The following DMXL1 variants were observed in gnomAD, a reference collection of about 807,000 sequenced individuals.
The protein encoded by DMXL1 is dmX-like protein 1.
Under a neutral mutation model 319.2 loss-of-function variants are expected in DMXL1, and 99 were observed. The ratio of observed to expected loss-of-function variants is 0.31; its 90% CI spans 0.26 to 0.37. The LOEUF is 0.37. DMXL1 is among the 10% of genes least tolerant of loss of function. The pLI is 1.00. For synonymous variants in DMXL1, 1,385 were observed against 1,235.2 expected (o/e 1.12, Z -2.54); for missense variants, 3,745 against 3,595.6 (o/e 1.04, Z -1.06).
At chr5:119,091,258 G>A (rs956776283) in intron 1 of DMXL1, among the ~76,000 whole-genome samples, 3 of 152,040 alleles carry the variant, frequency 2.0e-5, no homozygotes, top group Admixed American at 2.0e-4. Context: ...CCAGGCTGGA[G>A]TGCAGTGGTG....
At chr5:119,184,948 C>G (rs1282561665) in intron 28 of DMXL1, among the ~76,000 whole-genome samples, 1 of 152,152 alleles carries the variant, frequency 6.6e-6, no homozygotes, top group African/African-American at 2.4e-5. Context: ...AAGTACTACT[C>G]TAGGGCAGTG....
intron 28 of DMXL1, among the ~76,000 whole-genome samples, chr5:119,188,742 T>C: frequency 6.6e-6 from 1 of 152,252 alleles, no homozygotes; most frequent in Non-Finnish European, 1.5e-5. Flanking sequence ...TTATTCATCT[T>C]TCCCTTTTTC....
intron 32 of DMXL1, among the ~76,000 whole-genome samples, chr5:119,202,200 C>T (rs1236195554): frequency 6.6e-6 from 1 of 152,062 alleles, no homozygotes; most frequent in Non-Finnish European, 1.5e-5. Flanking sequence ...TTGATGTGGA[C>T]ATTTAGTGCT....
chr5:119,150,987 A>G (rs576108147), intron 18 of DMXL1, among the ~76,000 whole-genome samples: 1 of 152,240 alleles, frequency 6.6e-6, no homozygotes, highest in African/African-American at 2.4e-5. Context: ...TCTGCTCAAT[A>G]GTATAAAAGA....
intron 29 of DMXL1, among the ~76,000 whole-genome samples, chr5:119,193,469 A>G (rs970580691): frequency 3.3e-5 from 5 of 151,702 alleles, no homozygotes; most frequent in Non-Finnish European, 7.4e-5. Flanking sequence ...CTTATTCTCC[A>G]TTTCTTTTCT....
At chr5:119,168,320 C>CAA (rs1773854195) in intron 23 of DMXL1, among the ~76,000 whole-genome samples, 2 of 152,148 alleles carry the variant, frequency 1.3e-5, no homozygotes, top group African/African-American at 4.8e-5. Context: ...CTTATGTACT[C>CAA]TTTTGAGTCT....
In DMXL1 at chr5:119,120,953, T is replaced by C. The variant is rs770493806; in HGVS notation, c.934-18T>C. On this transcript the variant is annotated intron_variant, in intron 8 of 43. Transcript: ENST00000539542. ...ACTTTTGACAATATAGGTATTAGTT[T>C]TGTTTCTATTCACACAGGTAAATCT... 35 of 1,595,572 alleles carry C rather than the reference T, an allele frequency of 2.2e-5. No homozygotes were observed. In the Admixed American group the frequency reaches 2.9e-4, roughly 13 times the overall value.
At chr5:119,145,927 T>C (rs1768418842) in intron 15 of DMXL1, among the ~76,000 whole-genome samples, 1 of 151,806 alleles carries the variant, frequency 6.6e-6, no homozygotes, top group Non-Finnish European at 1.5e-5. Context: ...TTATCAAAAC[T>C]AGGATTGATT....
At chr5:119,142,026 TAATA>T (rs1767485808) in intron 13 of DMXL1, among the ~76,000 whole-genome samples, 1 of 151,824 alleles carries the variant, frequency 6.6e-6, no homozygotes. Flanking sequence ...AGGATTCCAT[TAATA>T]AATGATGCTG....
At chr5:119,225,799 A>T (rs890158966) in intron 38 of DMXL1, among the ~76,000 whole-genome samples, 1 of 152,136 alleles carries the variant, frequency 6.6e-6, no homozygotes, top group South Asian at 2.1e-4. Context: ...CACTACATCA[A>T]ATTTATTCAT....
Position 119,193,887 on chromosome 5 carries a change from T to G in DMXL1, c.7374T>G (p.Ser2458Arg). 6.2e-7 allele frequency: 1 copy of G among 1,612,458 alleles called. No individual in the cohort carries two copies. The highest frequency in any genetic ancestry group is 1.1e-5 in the South Asian group (1 of 90,982). ...AEYDSEESLG[S>R]DDDDNDDDDD... ...ATGATTCAGAGGAGAGTCTGGGAAG[T>G]GATGATGATGACAATGATGATGATG... Residue 2458 changes from serine (S) to arginine (R), a missense_variant, in exon 30 of 44, where the codon AGT (serine) becomes AGG (arginine). By Grantham distance (110) the Ser-to-Arg change is moderately radical. Coordinates refer to ENST00000539542, the MANE Select transcript of DMXL1 (RefSeq NM_001290321.3).
At chr5:119,159,995 G>T (rs757938687) in intron 19 of DMXL1, among the ~76,000 whole-genome samples, 13 of 151,936 alleles carry the variant, frequency 8.6e-5, no homozygotes, top group Non-Finnish European at 1.6e-4. Context: ...AAGTGTTCAG[G>T]TTTTTTTCCC....
At chr5:119,201,463 G>A (rs868398799) in intron 32 of DMXL1, among the ~76,000 whole-genome samples, 1 of 152,144 alleles carries the variant, frequency 6.6e-6, no homozygotes, top group Non-Finnish European at 1.5e-5. Flanking sequence ...GCTGGGTTTG[G>A]TTTGCAAGTA....
At chr5:119,194,720 C>T (rs1457020835) in intron 30 of DMXL1, among the ~76,000 whole-genome samples, 1 of 151,994 alleles carries the variant, frequency 6.6e-6, no homozygotes, top group East Asian at 1.9e-4. Flanking sequence ...ATTTAAAAGT[C>T]AAACTGCACA....
chr5:119,203,930 C>G (rs1387884777), intron 33 of DMXL1, among the ~76,000 whole-genome samples: 1 of 152,174 alleles, frequency 6.6e-6, no homozygotes, highest in African/African-American at 2.4e-5. Context: ...TCACACCATT[C>G]TCCTGCCTCA....
At position 119,164,615 on chromosome 5, in the gene DMXL1, G is replaced by A; in HGVS notation, c.4811G>A (p.Arg1604Lys). 6.2e-7 allele frequency: 1 copy of A among 1,614,052 alleles called. No individual in the cohort carries two copies. The highest frequency in any genetic ancestry group is 1.1e-5 in the South Asian group (1 of 91,058). ...QKDDPTWSEL[R>K]AMGVGWWVRN... The stretch of plus-strand genomic sequence containing the variant: ...GATGATCCCACTTGGTCTGAACTAA[G>A]AGCTATGGGTGTGGGGTGGTGGGTC... The change falls in exon 20 of 44, where the codon AGA becomes AAA. Residue 1604 changes from arginine (R) to lysine (K), a missense_variant. Physicochemically the swap from Arg to Lys is conservative, Grantham distance 26 (BLOSUM62 2). This residue lies in a region of DMXL1 where 2,096 missense variants were observed against 1,985.4 expected (regional missense o/e 1.06). Coordinates refer to ENST00000539542, the MANE Select transcript of DMXL1 (RefSeq NM_001290321.3).
Position 119,242,372 on chromosome 5 carries a change from A to G in DMXL1, c.8704+1901A>G, listed in dbSNP as rs565952316. ...AATTTAAAGAATATTACCATTTACA[A>G]TAGCACCCAAAACAATGAAATACTG... is the stretch of plus-strand genomic sequence containing the variant. On this transcript the variant is annotated intron_variant, in intron 42 of 43. Transcript: ENST00000539542. Among the ~76,000 whole-genome samples, 23 of 152,358 alleles carry G rather than the reference A, an allele frequency of 1.5e-4. 1 individual carries two copies. The highest frequency in any genetic ancestry group is 6.8e-3 in the Middle Eastern group (2 of 294).
Position 119,239,032 on chromosome 5 carries a change from T to C in DMXL1, c.8603T>C (p.Val2868Ala), listed in dbSNP as rs752658936. The part of the protein sequence containing the change: ...HNKTANDFVF[V>A]SSSSLIATAG... ...AAAACAGCCAATGATTTTGTCTTCG[T>C]TAGTTCCTCCTCTCTGATAGCTACA... The change falls in exon 41 of 44, where the codon GTT becomes GCT. Residue 2868 changes from valine (V) to alanine (A), a missense_variant. Coordinates refer to ENST00000539542, the MANE Select transcript of DMXL1 (RefSeq NM_001290321.3). 1 of 1,613,900 alleles carries C rather than the reference T, an allele frequency of 6.2e-7. No individual in the cohort carries two copies.
chr5:119,166,058 T>A (rs1366983469), intron 21 of DMXL1, among the ~76,000 whole-genome samples: 1 of 152,228 alleles, frequency 6.6e-6, no homozygotes, highest in Admixed American at 6.5e-5. Flanking sequence ...TGAGCTGAAT[T>A]CACTTAGAAT....
Sources: gnomAD v4.1 joint callset for allele counts (sites outside exome capture counted in the v4.1 genomes callset) on GRCh38, gnomAD v4.1.1 for gene constraint, gnomAD v4.1.1 regional missense constraint, MANE v1.5 for transcripts, NCBI Gene and HGNC (gene_info 2026-07-23, HGNC 2026-07-21) for gene names.